Variants in FSIP2 observed in about 807,000 individuals in gnomAD.
FSIP2 encodes the protein fibrous sheath interacting protein 2.
Under a neutral mutation model 510.5 loss-of-function variants are expected in FSIP2, and 367 were observed. The ratio of observed to expected loss-of-function variants is 0.72; its 90% CI spans 0.66 to 0.78. The LOEUF (loss-of-function observed/expected upper bound fraction) is 0.78. FSIP2 is among the 30% of genes least tolerant of loss of function. The pLI is 0.00. For synonymous variants in FSIP2, 2,601 were observed against 2,732.2 expected (o/e 0.95, Z 1.50); for missense variants, 7,594 against 7,901.7 (o/e 0.96, Z 1.48).
At chr2:185,746,524 CAG>C in intron 5 of FSIP2, 143 bp from the exon 6 acceptor site, 1 of 591,898 alleles carries the variant, frequency 1.7e-6, no homozygotes, top group Middle Eastern at 3.2e-4. Context: ...GGTTTATAAA[CAG>C]GACTGACAGA....
intron 8 of FSIP2, among the ~76,000 whole-genome samples, chr2:185,754,289 C>T (rs947430606): frequency 3.3e-5 from 5 of 151,300 alleles, no homozygotes; most frequent in South Asian, 4.2e-4. Flanking sequence ...TTGTTATGCC[C>T]GGCCTCTACC....
Position 185,830,668 on chromosome 2 carries a change from C to T in FSIP2, c.20518-1145C>T, listed in dbSNP as rs546861984. On this transcript the variant is annotated intron_variant, in intron 21 of 22. Transcript: ENST00000424728. ...TAATGACAAGAACAATAAGTCTATA[C>T]ATGTTCGGTATACATGCAACCATCC... Among the ~76,000 whole-genome samples the T allele has an allele frequency of 7.9e-5, 12 of 151,890 alleles. No individual in the cohort carries two copies. In the South Asian group the frequency reaches 1.5e-3, roughly 18 times the overall value.
At chr2:185,770,593 C>A (rs1692588210) in intron 13 of FSIP2, among the ~76,000 whole-genome samples, 2 of 152,124 alleles carry the variant, frequency 1.3e-5, no homozygotes, top group African/African-American at 4.8e-5. Flanking sequence ...ATGACCAAAG[C>A]ACCTCCCACC....
rs59331328 is a variant in FSIP2, at chr2:185,821,009, TAAAA to T, written c.20427-3399_20427-3396del. ...TCAAGAAAACCAAGAGTTGGTTCGT[TAAAA>T]AAAAAAAAAAAAAAAAAAAAAAAAA... On this transcript the variant is annotated intron_variant, in intron 19 of 22. Transcript: ENST00000424728. Among the ~76,000 whole-genome samples the T allele has an allele frequency of 1.4e-3, 105 of 74,954 alleles. No homozygotes were observed. The East Asian group carries it at 0.014, about 10-fold the overall frequency. The allele number at this position is 74,954 out of a possible 152,430, so 49.2% of individuals were successfully genotyped here.
chr2:185,766,081 C>T (rs980704216), intron 13 of FSIP2: 2 of 151,942 alleles, frequency 1.3e-5, no homozygotes, highest in African/African-American at 4.8e-5. Context: ...ACAGTCATGT[C>T]GTCTGCAAAC....
Position 185,807,609 on chromosome 2 carries a change from T to C in FSIP2, c.18303T>C (p.Ile6101=). 1 of 1,612,850 alleles carries C rather than the reference T, an allele frequency of 6.2e-7. No individual in the cohort carries two copies. ...TGCCACAGTTTGGATCACAAGAGAT[T>C]ATACAAAATTGTGTAACCAGTGGAT... ...NLLPQFGSQE[I]IQNCVTSGCK... Residue 6101 remains isoleucine (I), a synonymous_variant, in exon 17 of 23, where the codon ATT becomes ATC. Coordinates refer to ENST00000424728, the MANE Select transcript of FSIP2 (RefSeq NM_173651.4).
chr2:185,765,175 G>A (rs935271506), intron 13 of FSIP2: 1 of 151,864 alleles, frequency 6.6e-6, no homozygotes, highest in African/African-American at 2.4e-5. Context: ...CAATATTTTT[G>A]ACTTACAATT....
At chr2:185,782,645 C>A in intron 13 of FSIP2, 60 bp from the exon 14 acceptor site, 2 of 959,718 alleles carry the variant, frequency 2.1e-6, no homozygotes, top group Non-Finnish European at 3.2e-6. Flanking sequence ...GGAGGATTAC[C>A]ATTTAGCAAG....
At chr2:185,753,141 T>C (rs867931985) in intron 7 of FSIP2, among the ~76,000 whole-genome samples, 7 of 151,362 alleles carry the variant, frequency 4.6e-5, no homozygotes, top group African/African-American at 1.5e-4. Flanking sequence ...TATCCCTAGA[T>C]AGGTTGCAGT....
At position 185,739,462 on chromosome 2, in the gene FSIP2, C is replaced by T; in HGVS notation, c.216C>T (p.Phe72=). 1 of 1,501,686 alleles carries T rather than the reference C, an allele frequency of 6.7e-7. No individual in the cohort carries two copies. The highest frequency in any genetic ancestry group is 1.3e-5 in the South Asian group (1 of 79,722). The allele number at this position is 1,501,686 out of a possible 1,614,324, so 93.0% of individuals were successfully genotyped here. ...GSNAVFYTTN[F]GEKLFRPSYG... is the part of the protein sequence containing the mutation. ...ATGCTGTATTCTATACTACGAATTT[C>T]GGTGAAAAGGTGAACAAGTTTTTAT... Residue 72 remains phenylalanine (F), a synonymous_variant, in exon 2 of 23, where the codon TTC becomes TTT. Transcript: ENST00000424728.
intron 16 of FSIP2, among the ~76,000 whole-genome samples, chr2:185,799,242 C>G (rs1693366888): frequency 1.3e-5 from 2 of 151,926 alleles, no homozygotes; most frequent in South Asian, 4.1e-4. Flanking sequence ...TTTTAGTCAA[C>G]TTGATATTGC....
intron 13 of FSIP2, among the ~76,000 whole-genome samples, chr2:185,774,403 T>C (rs767872770): frequency 3.9e-5 from 6 of 152,192 alleles, no homozygotes; most frequent in Non-Finnish European, 7.3e-5. Context: ...TAATAATATG[T>C]GGTAATTTAA....
chr2:185,819,796 T>A (rs1693882505), intron 19 of FSIP2, among the ~76,000 whole-genome samples: 1 of 151,432 alleles, frequency 6.6e-6, no homozygotes, highest in South Asian at 2.1e-4. Flanking sequence ...TAGGCTAAGT[T>A]ATGATGTTTG....
intron 13 of FSIP2, among the ~76,000 whole-genome samples, chr2:185,777,147 G>A (rs371034539): frequency 4.6e-5 from 7 of 152,098 alleles, no homozygotes; most frequent in South Asian, 2.1e-4. Flanking sequence ...TACATTTTCC[G>A]TCAGTTTTGC....
Position 185,790,449 on chromosome 2 carries a change from G to A in FSIP2, c.3313G>A (p.Ala1105Thr). The A allele has an allele frequency of 1.3e-6, 2 of 1,533,472 alleles. No homozygotes were observed. Among genetic ancestry groups the A allele is most frequent in the Non-Finnish European group, 1.7e-6 (2 of 1,145,428 alleles). 95.0% of individuals were successfully genotyped at this position (1,533,472 alleles called of 1,614,324 possible). ...SQDQKHQIEK[A>T]SENIVTSILK... is the part of the protein sequence containing the mutation. ...AGATCAAAAGCATCAAATAGAAAAGGCTTCAGAAAACATAGTCACAAGTAT... is the reference window on the plus strand; with the variant it reads ...AGATCAAAAGCATCAAATAGAAAAGACTTCAGAAAACATAGTCACAAGTAT... Residue 1105 changes from alanine (A) to threonine (T), a missense_variant, in exon 16 of 23, where the codon GCT becomes ACT. Transcript: ENST00000424728.
chr2:185,789,729 C>T lies in FSIP2; in HGVS notation c.2593C>T (p.Leu865Phe). 2 of 1,534,314 alleles carry T rather than the reference C, an allele frequency of 1.3e-6. No individual in the cohort carries two copies. The highest frequency in any genetic ancestry group is 1.7e-6 in the Non-Finnish European group (2 of 1,145,736). Reference sequence around the variant, plus strand: ...TAAGACAGACCCAATATGTATGTTCCTTCAAAGAGCTGGCAAAAATAAATC... The same window carrying T: ...TAAGACAGACCCAATATGTATGTTCTTTCAAAGAGCTGGCAAAAATAAATC... ...QHKTDPICMF[L>F]QRAGKNKSSL... Residue 865 changes from leucine to phenylalanine, a missense_variant, in exon 16 of 23, where the codon CTT (leucine) becomes TTT (phenylalanine). Coordinates refer to ENST00000424728, the MANE Select transcript of FSIP2 (RefSeq NM_173651.4).
chr2:185,738,965 T>C lies in FSIP2; in HGVS notation c.71T>C (p.Leu24Pro), dbSNP rs924614230. Residue 24 changes from leucine (L) to proline (P), a missense_variant, in exon 1 of 23, where the codon CTG becomes CCG. Coordinates refer to ENST00000424728, the MANE Select transcript of FSIP2 (RefSeq NM_173651.4). ...VAVTKTVASVLAADTQQCRDG... is the reference protein window; with the variant it reads ...VAVTKTVASVPAADTQQCRDG... ...GTCACCAAGACGGTCGCCAGCGTCC[T>C]GGCCGCGGACACCCAGCAGTGCAGA... is the stretch of plus-strand genomic sequence containing the variant. The C allele has an allele frequency of 1.9e-5, 29 of 1,533,606 alleles. No individual in the cohort carries two copies. The highest frequency in any genetic ancestry group is 2.1e-5 in the Non-Finnish European group (24 of 1,146,576). 95.0% of individuals were successfully genotyped at this position (1,533,606 alleles called of 1,614,324 possible).
chr2:185,762,384 C>T (rs1245937840), intron 11 of FSIP2, among the ~76,000 whole-genome samples: 1 of 151,276 alleles, frequency 6.6e-6, no homozygotes, highest in Non-Finnish European at 1.5e-5. Context: ...TTTTGTTTCC[C>T]ATTTGTCTTT....
At chr2:185,774,501 T>C (rs1236811713) in intron 13 of FSIP2, among the ~76,000 whole-genome samples, 1 of 130,494 alleles carries the variant, frequency 7.7e-6, no homozygotes, top group Admixed American at 8.2e-5. Context: ...TCATATAGTC[T>C]TCTAATTTTC....
Sources: allele counts gnomAD v4.1 joint callset (sites outside exome capture counted in the v4.1 genomes callset), GRCh38; gene constraint gnomAD v4.1.1; transcripts MANE v1.5; gene names NCBI Gene and HGNC (gene_info 2026-07-23, HGNC 2026-07-21).